The following C20orf96 variants were observed in gnomAD, a reference collection of about 807,000 sequenced individuals.
C20orf96 encodes the protein chromosome 20 open reading frame 96.
A neutral mutation model predicts 52.6 loss-of-function variants in C20orf96; 57 were observed. That is an observed-to-expected ratio of 1.08 (90% CI 0.88 to 1.35). The LOEUF is 1.35. Among genes scored for constraint, C20orf96 ranks in the 40% most tolerant of loss-of-function variants. C20orf96 has a pLI of 0.00. For synonymous variants in C20orf96, 168 were observed against 157.2 expected, an observed-to-expected ratio of 1.07 and a Z score of -0.51; for missense variants, 478 against 443.6, an observed-to-expected ratio of 1.08 and a Z score of -0.70.
At chr20:271,443 T>TACACACACACACACACACAC (rs71191933) in intron 10 of C20orf96, among the ~76,000 whole-genome samples, 176 bp from the exon 11 acceptor site, 1 of 134,542 alleles carries the variant, frequency 7.4e-6, no homozygotes, top group East Asian at 2.2e-4. Flanking sequence ...TACACAAGCA[T>TACACACACACACACACACAC]ACACACACAC....
intron 10 of C20orf96, among the ~76,000 whole-genome samples, chr20:272,549 G>A (rs1486948623): frequency 6.6e-6 from 1 of 152,040 alleles, no homozygotes; most frequent in East Asian, 1.9e-4. Flanking sequence ...AGAGATGGAG[G>A]TCTCACTATG....
chr20:284,118 G>A (rs758512135), intron 3 of C20orf96, 37 bp from the exon 4 acceptor site: 1 of 1,553,040 alleles, frequency 6.4e-7, no homozygotes, highest in South Asian at 1.1e-5. Context: ...AGAGAGTGAG[G>A]GTCCCGGAAG....
intron 10 of C20orf96, among the ~76,000 whole-genome samples, chr20:271,513 T>A (rs2011840996): frequency 6.6e-6 from 1 of 150,626 alleles, no homozygotes. Context: ...AAGAAATGAG[T>A]TTGGCAGGAC....
rs114292813 is a variant in C20orf96, at chr20:289,563, T to G, written c.183A>C (p.Gln61His). Residue 61 changes from glutamine to histidine, a missense_variant, in exon 3 of 11, where the codon CAA (glutamine) becomes CAC (histidine). Coordinates refer to ENST00000360321, the MANE Select transcript of C20orf96 (RefSeq NM_153269.3). ...TSKMKTLTRV[Q>H]PVFHFKPTTV... ...CTCCCAGGTGCCTCCGCCCACCTGG[T>G]TGGACCCTAGTCAAAGTCTTCATTT... 3 of 1,612,794 alleles carry G rather than the reference T, an allele frequency of 1.9e-6. No homozygotes were observed. The highest frequency in any genetic ancestry group is 2.2e-5 in the South Asian group (2 of 91,046).
chr20:273,984 G>A, intron 10 of C20orf96, among the ~76,000 whole-genome samples: 1 of 145,290 alleles, frequency 6.9e-6, no homozygotes, highest in Admixed American at 6.9e-5. Flanking sequence ...AAAAGAGAAA[G>A]ACAGAGAGAG....
chr20:271,078 G>A lies in C20orf96; in HGVS notation c.*129C>T. On this transcript the variant is annotated 3_prime_UTR_variant, in exon 11 of 11. Transcript: ENST00000360321. ...GGGAGGGAGGGAAAGAAAGAGGGAGGAAGGGCAGAGGGAGCAGGGAGACTG... is the reference window on the plus strand; with the variant it reads ...GGGAGGGAGGGAAAGAAAGAGGGAGAAAGGGCAGAGGGAGCAGGGAGACTG... 1.4e-6 allele frequency: 1 copy of A among 719,024 alleles called. No homozygotes were observed. The highest frequency in any genetic ancestry group is 2.4e-6 in the Non-Finnish European group (1 of 421,362). 44.5% of individuals were successfully genotyped at this position (719,024 alleles called of 1,614,324 possible).
At chr20:276,748 T>C (rs1200906427) in intron 9 of C20orf96, 45 bp downstream of exon 9, 21 of 1,595,252 alleles carry the variant, frequency 1.3e-5, no homozygotes, top group Non-Finnish European at 1.8e-5. Context: ...GGACTGCCCA[T>C]CCACTGCTTC....
chr20:283,087 T>G (rs1201548050), intron 4 of C20orf96, among the ~76,000 whole-genome samples: 2 of 152,238 alleles, frequency 1.3e-5, no homozygotes, highest in Non-Finnish European at 2.9e-5. Flanking sequence ...GTAGTCTTTA[T>G]AATACTTAGT....
At chr20:287,023 C>A (rs1456668017) in intron 3 of C20orf96, among the ~76,000 whole-genome samples, 3 of 152,138 alleles carry the variant, frequency 2.0e-5, no homozygotes, top group African/African-American at 7.2e-5. Context: ...TATAGTTTTC[C>A]ACGGTGGGGA....
chr20:271,145 G>T lies in C20orf96; in HGVS notation c.*62C>A, dbSNP rs2011817080. ...TGGAGATCCGGTCCTGGAAGTAAATGATCCAAGGCTCCAGGTGCTGGGAAG... is the reference window on the plus strand; with the variant it reads ...TGGAGATCCGGTCCTGGAAGTAAATTATCCAAGGCTCCAGGTGCTGGGAAG... On this transcript the variant is annotated 3_prime_UTR_variant, in exon 11 of 11. Coordinates refer to ENST00000360321, the MANE Select transcript of C20orf96 (RefSeq NM_153269.3). The T allele has an allele frequency of 7.2e-7, 1 of 1,382,338 alleles. No individual in the cohort carries two copies. The highest frequency in any genetic ancestry group is 1.0e-6 in the Non-Finnish European group (1 of 993,586). 85.6% of individuals were successfully genotyped at this position (1,382,338 alleles called of 1,614,324 possible).
chr20:288,248 C>T (rs2122328451), intron 3 of C20orf96, among the ~76,000 whole-genome samples: 1 of 123,596 alleles, frequency 8.1e-6, no homozygotes, highest in East Asian at 2.8e-4. Flanking sequence ...AGGCTTTCTT[C>T]CTCCACTGAA....
chr20:277,503 G>T, intron 6 of C20orf96, 120 bp from the exon 7 acceptor site: 7 of 979,676 alleles, frequency 7.1e-6, no homozygotes, highest in Non-Finnish European at 1.1e-5. Context: ...CTGGGCTGAG[G>T]TGAGCTCACA....
intron 6 of C20orf96, among the ~76,000 whole-genome samples, chr20:278,118 C>G (rs959436701): frequency 6.6e-6 from 1 of 152,228 alleles, no homozygotes; most frequent in Non-Finnish European, 1.5e-5. Context: ...TGTAACAATG[C>G]AGACATTGGT....
intron 10 of C20orf96, among the ~76,000 whole-genome samples, chr20:275,605 T>G (rs1425562763): frequency 6.6e-6 from 1 of 151,928 alleles, no homozygotes; most frequent in African/African-American, 2.4e-5. Flanking sequence ...CCTTGTAGAG[T>G]GTCTTCCAGG....
chr20:272,742 C>A (rs2011882484), intron 10 of C20orf96, among the ~76,000 whole-genome samples: 1 of 152,164 alleles, frequency 6.6e-6, no homozygotes, highest in African/African-American at 2.4e-5. Flanking sequence ...TCACCACCAC[C>A]CCATTATAAA....
chr20:276,546 G>A, intron 9 of C20orf96: 2 of 985,428 alleles, frequency 2.0e-6, no homozygotes, highest in Non-Finnish European at 2.4e-6. Flanking sequence ...GTGATGTTTG[G>A]TGATGGTTGT....
rs1160397252 is a variant in C20orf96, at chr20:284,028, T to C, written c.241A>G (p.Arg81Gly). The C allele has an allele frequency of 4.3e-6, 7 of 1,614,202 alleles. No individual in the cohort carries two copies. Among genetic ancestry groups the C allele is most frequent in the Non-Finnish European group, 5.1e-6 (6 of 1,180,036 alleles). ...VVTSCQPKNPRELHRRRKLDP... is the reference protein window; with the variant it reads ...VVTSCQPKNPGELHRRRKLDP... ...AACTTCCGCCTTCTATGTAGTTCTC[T>C]TGGATTCTTCGGCTGGCAGCTTGTC... The change falls in exon 4 of 11, where the codon AGA becomes GGA. Residue 81 changes from arginine to glycine, a missense_variant. Coordinates refer to ENST00000360321, the MANE Select transcript of C20orf96 (RefSeq NM_153269.3).
In C20orf96 at chr20:278,434, G is replaced by A. The variant is rs1225487467; in HGVS notation, c.466-5C>T. On this transcript the variant is annotated splice_region_variant and splice_polypyrimidine_tract_variant and intron_variant, in intron 5 of 10. Transcript: ENST00000360321. ...CTCCAAGATGTCGATGATGGTCTGC[G>A]GGAGGGGTGGAGTCAACTCACCCAC... The A allele has an allele frequency of 1.2e-6, 2 of 1,611,950 alleles. No individual in the cohort carries two copies. The highest frequency in any genetic ancestry group is 2.7e-5 in the African/African-American group (2 of 74,826).
chr20:285,663 C>A (rs779907104), intron 3 of C20orf96, among the ~76,000 whole-genome samples: 3 of 152,214 alleles, frequency 2.0e-5, no homozygotes, highest in African/African-American at 4.8e-5. Context: ...CTCACTGCTA[C>A]TTCTGCCTCC....
Sources: gnomAD v4.1 joint callset for allele counts (sites outside exome capture counted in the v4.1 genomes callset) on GRCh38, gnomAD v4.1.1 for gene constraint, MANE v1.5 for transcripts, NCBI Gene and HGNC (gene_info 2026-07-23, HGNC 2026-07-21) for gene names.